Variants in RGL1 observed in about 807,000 individuals in gnomAD.
RGL1 encodes ral guanine nucleotide dissociation stimulator like 1, also known as ral guanine nucleotide dissociation stimulator-like 1.
RGL1 carries 24 observed loss-of-function variants against 95.2 expected under a neutral mutation model. That is an observed-to-expected ratio of 0.25 (90% CI 0.18 to 0.35). RGL1 has a LOEUF of 0.35. RGL1 is among the 10% of genes least tolerant of loss of function. The pLI is 1.00. For synonymous variants in RGL1, 329 were observed against 344.9 expected, an observed-to-expected ratio of 0.95 and a Z score of 0.51; for missense variants, 715 against 936.3, an observed-to-expected ratio of 0.76 and a Z score of 3.08.
chr1:183,725,297 C>T lies in RGL1; in HGVS notation c.-32-16829C>T, dbSNP rs576786530. ...TTCTCACACTGCTATAAAGAACTGCCCAAGACTCAGTAATTTATAAAGGAA... is the reference window on the plus strand; with the variant it reads ...TTCTCACACTGCTATAAAGAACTGCTCAAGACTCAGTAATTTATAAAGGAA... On this transcript the variant is annotated intron_variant, in intron 1 of 18. Transcript: ENST00000304685. Among the ~76,000 whole-genome samples, 83 of 152,120 alleles carry T rather than the reference C, an allele frequency of 5.5e-4. 1 individual carries two copies. Among genetic ancestry groups the T allele is most frequent in the African/African-American group, 1.9e-3 (80 of 41,482 alleles).
At chr1:183,683,233 G>A (rs148419455) in intron 1 of RGL1, among the ~76,000 whole-genome samples, 12,316 of 152,112 alleles carry the variant, frequency 0.081, 916 homozygotes, top group African/African-American at 0.2. Context: ...TGGTTATTTT[G>A]CCCATTAGTT....
chr1:183,763,220 C>T (rs1157110922), intron 2 of RGL1, among the ~76,000 whole-genome samples: 1 of 152,102 alleles, frequency 6.6e-6, no homozygotes, highest in African/African-American at 2.4e-5. Flanking sequence ...AGGGGAACAT[C>T]ACACACTGGG....
At chr1:183,855,504 T>C (rs1363820448) in intron 3 of RGL1, among the ~76,000 whole-genome samples, 2 of 152,284 alleles carry the variant, frequency 1.3e-5, no homozygotes, top group African/African-American at 4.8e-5. Context: ...AGATTCATGC[T>C]GGCATGCAGT....
intron 1 of RGL1, among the ~76,000 whole-genome samples, chr1:183,738,865 C>T (rs908060986): frequency 5.3e-5 from 8 of 152,084 alleles, no homozygotes; most frequent in Non-Finnish European, 8.8e-5. Context: ...TGCACCACTG[C>T]ACTCCAGCCT....
At chr1:183,668,437 A>G (rs1283946303) in intron 1 of RGL1, among the ~76,000 whole-genome samples, 1 of 151,914 alleles carries the variant, frequency 6.6e-6, no homozygotes, top group East Asian at 1.9e-4. Flanking sequence ...TTCTGTGTTC[A>G]TAAGGTGTTT....
chr1:183,713,967 T>C (rs948349321), intron 1 of RGL1, among the ~76,000 whole-genome samples: 1 of 152,120 alleles, frequency 6.6e-6, no homozygotes, highest in Non-Finnish European at 1.5e-5. Flanking sequence ...CTATTAGGAG[T>C]GATCTCTGGG....
chr1:183,727,277 C>T (rs1656365894), intron 1 of RGL1, among the ~76,000 whole-genome samples: 2 of 152,186 alleles, frequency 1.3e-5, no homozygotes, highest in South Asian at 4.1e-4. Context: ...TCAATAAATG[C>T]AGAAAAGCCA....
chr1:183,766,178 G>A (rs1034536504), intron 2 of RGL1, among the ~76,000 whole-genome samples: 15 of 152,058 alleles, frequency 9.9e-5, no homozygotes, highest in African/African-American at 2.2e-4. Context: ...AGGCCGAGGC[G>A]GGCGGATCAT....
rs1016999966 is a variant in RGL1 at position 183,847,743 on chromosome 1, A to G, written c.316A>G (p.Thr106Ala). Residue 106 changes from threonine to alanine, a missense_variant, in exon 3 of 18, where the codon ACT becomes GCT. Transcript: ENST00000360851. Reference protein sequence around the residue: ...FLSTYRGFASTKEVLELLLDR... With the variant: ...FLSTYRGFASAKEVLELLLDR... ...TTCAACGTACAGAGGCTTTGCCTCC[A>G]CTAAAGAAGTGCTGGAACTACTGCT... is the stretch of plus-strand genomic sequence containing the variant. 1 of 1,614,124 alleles carries G rather than the reference A, an allele frequency of 6.2e-7. No homozygotes were observed. Among genetic ancestry groups the G allele is most frequent in the Non-Finnish European group, 8.5e-7 (1 of 1,179,944 alleles).
intron 1 of RGL1, among the ~76,000 whole-genome samples, chr1:183,650,745 T>C (rs544586014): frequency 3.3e-5 from 5 of 149,492 alleles, no homozygotes; most frequent in African/African-American, 1.2e-4. Context: ...CTAGAAATCA[T>C]AGTATTAGGT....
At chr1:183,895,846 A>G (rs980820316) in intron 9 of RGL1, among the ~76,000 whole-genome samples, 14 of 152,292 alleles carry the variant, frequency 9.2e-5, no homozygotes, top group African/African-American at 2.9e-4. Context: ...CATTCTCATG[A>G]AATCATAAAG....
chr1:183,716,449 T>G (rs1655630253), intron 1 of RGL1, among the ~76,000 whole-genome samples: 1 of 152,232 alleles, frequency 6.6e-6, no homozygotes, highest in South Asian at 2.1e-4. Flanking sequence ...CTTTAATATG[T>G]AGCTTCTGAA....
At chr1:183,789,896 C>T (rs1053136966) in intron 2 of RGL1, among the ~76,000 whole-genome samples, 6 of 150,018 alleles carry the variant, frequency 4.0e-5, no homozygotes, top group Non-Finnish European at 7.4e-5. Flanking sequence ...ATTACATTTG[C>T]ACCAACCTAA....
At chr1:183,655,957 G>A (rs1651124975) in intron 1 of RGL1, among the ~76,000 whole-genome samples, 2 of 152,146 alleles carry the variant, frequency 1.3e-5, no homozygotes, top group Admixed American at 6.5e-5. Context: ...GTTAAACAGT[G>A]ATGGGAGGCC....
chr1:183,879,157 A>G (rs1666682300), intron 4 of RGL1, among the ~76,000 whole-genome samples: 1 of 152,232 alleles, frequency 6.6e-6, no homozygotes, highest in Non-Finnish European at 1.5e-5. Flanking sequence ...AGATGCAGAT[A>G]ATTGAATATT....
At chr1:183,813,683 A>T (rs554794351) in intron 2 of RGL1, among the ~76,000 whole-genome samples, 1 of 152,196 alleles carries the variant, frequency 6.6e-6, no homozygotes, top group East Asian at 1.9e-4. Context: ...AAGAAATTTT[A>T]TGGTTAGGTG....
At chr1:183,782,985 C>T (rs1194310306) in intron 2 of RGL1, among the ~76,000 whole-genome samples, 1 of 152,056 alleles carries the variant, frequency 6.6e-6, no homozygotes, top group Middle Eastern at 3.2e-3. Flanking sequence ...CGGCCTGAAC[C>T]TTTTCCACTG....
chr1:183,912,582 C>T (rs1668712039), intron 15 of RGL1, among the ~76,000 whole-genome samples: 1 of 152,234 alleles, frequency 6.6e-6, no homozygotes, highest in Non-Finnish European at 1.5e-5. Flanking sequence ...GGAGATGTGT[C>T]AGGTTCTTGG....
chr1:183,735,433 G>T (rs893245159), intron 1 of RGL1, among the ~76,000 whole-genome samples: 7 of 152,178 alleles, frequency 4.6e-5, no homozygotes, highest in Non-Finnish European at 8.8e-5. Flanking sequence ...TTTTAAAAGG[G>T]TGATGGAGTT....
Sources: allele counts gnomAD v4.1 joint callset (sites outside exome capture counted in the v4.1 genomes callset), GRCh38; gene constraint gnomAD v4.1.1; transcripts MANE v1.5; gene names NCBI Gene and HGNC (gene_info 2026-07-23, HGNC 2026-07-21).